Variants in MPZL3 observed in about 807,000 individuals in gnomAD.
MPZL3 encodes the protein myelin protein zero-like protein 3.
Under a neutral mutation model 24.8 loss-of-function variants are expected in MPZL3, and 23 were observed. The observed-to-expected ratio is 0.93, with a 90% CI of 0.67 to 1.31. The LOEUF (loss-of-function observed/expected upper bound fraction) is 1.31, where lower values mean the gene tolerates loss of function less well. MPZL3 is among the 40% of genes most tolerant of loss of function. MPZL3 has a pLI of 0.00. For synonymous variants in MPZL3, 99 were observed against 106.5 expected, an observed-to-expected ratio of 0.93 and a Z score of 0.44; for missense variants, 277 against 294.9, an observed-to-expected ratio of 0.94 and a Z score of 0.44.
chr11:118,240,150 T>C, intron 2 of MPZL3, 61 bp downstream of exon 2: 2 of 1,452,534 alleles, frequency 1.4e-6, no homozygotes, highest in Non-Finnish European at 1.8e-6. Flanking sequence ...GCCTATGATT[T>C]GCAGTAAAAC....
chr11:118,234,783 TCAATGTAAGACTCCCCTCCCCTGA>T (rs1345794689), intron 4 of MPZL3, among the ~76,000 whole-genome samples: 1 of 151,960 alleles, frequency 6.6e-6, no homozygotes, highest in Non-Finnish European at 1.5e-5. Context: ...TTGGACCTTC[TCAATGTAAGACTCCCCTCCCCTGA>T]CATAGATAAT....
chr11:118,251,876 A>G (rs2134722828), intron 1 of MPZL3, among the ~76,000 whole-genome samples: 1 of 152,338 alleles, frequency 6.6e-6, no homozygotes, highest in South Asian at 2.1e-4. Context: ...CAGGGTATAC[A>G]GCGCCCAAAC....
At chr11:118,249,184 G>A (rs1482636040) in intron 1 of MPZL3, among the ~76,000 whole-genome samples, 2 of 152,106 alleles carry the variant, frequency 1.3e-5, no homozygotes, top group Non-Finnish European at 2.9e-5. Context: ...CCTTTTTGGG[G>A]AGAAAGGATA....
chr11:118,239,046 T>C (rs1238746310), intron 2 of MPZL3, among the ~76,000 whole-genome samples: 1 of 152,216 alleles, frequency 6.6e-6, no homozygotes, highest in Admixed American at 6.5e-5. Context: ...TGCAACATCA[T>C]GTTATGTAAC....
Position 118,235,575 on chromosome 11 carries a change from G to T in MPZL3, c.466C>A (p.Leu156Ile). The stretch of plus-strand genomic sequence containing the variant: ...ATGGAAAGAAGGGCCACAGAGGAAA[G>T]CATGGTGCCAAAACCTAGAGGCGGA... The part of the protein sequence containing the change: ...TVTERGFGTM[L>I]SSVALLSILV... Residue 156 changes from leucine to isoleucine, a missense_variant, in exon 4 of 6, where the codon CTT becomes ATT. Physicochemically the swap from Leu to Ile is conservative, Grantham distance 5. Coordinates refer to ENST00000278949, the MANE Select transcript of MPZL3 (RefSeq NM_198275.3). 6.2e-7 allele frequency: 1 copy of T among 1,613,868 alleles called. No individual in the cohort carries two copies. Among genetic ancestry groups the T allele is most frequent in the Non-Finnish European group, 8.5e-7 (1 of 1,179,840 alleles).
chr11:118,230,128 C>G (rs142207842), intron 5 of MPZL3, among the ~76,000 whole-genome samples: 1 of 152,304 alleles, frequency 6.6e-6, no homozygotes, highest in Non-Finnish European at 1.5e-5. Flanking sequence ...CTTTGAAGCC[C>G]TAGTGGTTTC....
intron 1 of MPZL3, among the ~76,000 whole-genome samples, chr11:118,248,988 T>C (rs1302689633): frequency 6.6e-6 from 1 of 152,216 alleles, no homozygotes; most frequent in Admixed American, 6.5e-5. Flanking sequence ...ATAGAAAACA[T>C]CTAAAAGTTT....
intron 1 of MPZL3, among the ~76,000 whole-genome samples, chr11:118,241,622 TAGAC>T (rs1458950167): frequency 6.6e-6 from 1 of 152,200 alleles, no homozygotes; most frequent in East Asian, 1.9e-4. Flanking sequence ...CAGTGCGTGT[TAGAC>T]AGTGTCATTG....
At chr11:118,240,000 C>T (rs1056831467) in intron 2 of MPZL3, among the ~76,000 whole-genome samples, 1 of 152,168 alleles carries the variant, frequency 6.6e-6, no homozygotes, top group African/African-American at 2.4e-5. Flanking sequence ...TTTCTGACAG[C>T]TTTTTTCCTG....
intron 5 of MPZL3, among the ~76,000 whole-genome samples, chr11:118,230,255 C>T (rs1949333655): frequency 6.6e-6 from 1 of 152,222 alleles, no homozygotes; most frequent in Non-Finnish European, 1.5e-5. Context: ...CCTCTCCTCA[C>T]TCTCTTGCAG....
chr11:118,249,022 A>T (rs73596376), intron 1 of MPZL3, among the ~76,000 whole-genome samples: 8,984 of 142,998 alleles, frequency 0.063, 670 homozygotes, highest in African/African-American at 0.19. Flanking sequence ...ATCTTTACAG[A>T]CTAATATTTT....
Position 118,240,271 on chromosome 11 carries a change from G to A in MPZL3, c.180C>T (p.Val60=). Reference sequence around the variant, plus strand: ...TCCAGTCTATAGTAAGTTTGTCAGTGACATCTGAAGTTGACTTGAAAGTGC... The same window carrying A: ...TCCAGTCTATAGTAAGTTTGTCAGTAACATCTGAAGTTGACTTGAAAGTGC... ...LKCTFKSTSD[V]TDKLTIDWTY... is the part of the protein sequence containing the mutation. The change falls in exon 2 of 6, where the codon GTC becomes GTT. Residue 60 remains valine (V), a synonymous_variant. Coordinates refer to ENST00000278949, the MANE Select transcript of MPZL3 (RefSeq NM_198275.3). 2 of 1,604,840 alleles carry A rather than the reference G, an allele frequency of 1.2e-6. No homozygotes were observed. The highest frequency in any genetic ancestry group is 1.7e-6 in the Non-Finnish European group (2 of 1,176,812).
intron 1 of MPZL3, among the ~76,000 whole-genome samples, chr11:118,241,338 C>T (rs1375025315): frequency 6.6e-6 from 1 of 152,208 alleles, no homozygotes; most frequent in Non-Finnish European, 1.5e-5. Context: ...CAAACCCACA[C>T]GCTGTCCTGA....
At position 118,237,216 on chromosome 11, in the gene MPZL3, T is replaced by C; in HGVS notation, c.285A>G (p.Thr95=). ...QSFQYPTTAG[T]FRDRISWVGN... ...CAACCCAGGAAATCCGATCCCGAAA[T>C]GTGCCTGCTGTGGTTGGGTACTGGA... The change falls in exon 3 of 6, where the codon ACA becomes ACG. Residue 95 remains threonine (T), a synonymous_variant. Coordinates refer to ENST00000278949, the MANE Select transcript of MPZL3 (RefSeq NM_198275.3). The C allele has an allele frequency of 6.2e-7, 1 of 1,614,094 alleles. No individual in the cohort carries two copies. The highest frequency in any genetic ancestry group is 8.5e-7 in the Non-Finnish European group (1 of 1,179,974).
chr11:118,250,635 C>T (rs1390160517), intron 1 of MPZL3, among the ~76,000 whole-genome samples: 1 of 152,130 alleles, frequency 6.6e-6, no homozygotes, highest in Non-Finnish European at 1.5e-5. Context: ...GGCTAGAGTG[C>T]AATGGCGAGA....
chr11:118,245,331 G>A (rs182642545), intron 1 of MPZL3, among the ~76,000 whole-genome samples: 197 of 152,284 alleles, frequency 1.3e-3, no homozygotes, highest in African/African-American at 4.6e-3. Flanking sequence ...AATAGAGCAA[G>A]ACTTCATCTC....
chr11:118,251,351 A>G (rs1949618141), intron 1 of MPZL3, among the ~76,000 whole-genome samples: 2 of 152,122 alleles, frequency 1.3e-5, no homozygotes, highest in South Asian at 2.1e-4. Context: ...TTATATTTAT[A>G]TAATATTAAA....
chr11:118,230,404 T>C (rs1949335668), intron 5 of MPZL3, among the ~76,000 whole-genome samples: 1 of 152,164 alleles, frequency 6.6e-6, no homozygotes. Flanking sequence ...ATGGGGATAA[T>C]AAAAATACAC....
At chr11:118,234,328 G>A (rs1367269696) in intron 4 of MPZL3, among the ~76,000 whole-genome samples, 1 of 152,212 alleles carries the variant, frequency 6.6e-6, no homozygotes, top group African/African-American at 2.4e-5. Flanking sequence ...CAGCAGCAAA[G>A]AGTGAGGAGT....
Sources: allele counts gnomAD v4.1 joint callset (sites outside exome capture counted in the v4.1 genomes callset), GRCh38; gene constraint gnomAD v4.1.1; transcripts MANE v1.5; gene names NCBI Gene and HGNC (gene_info 2026-07-23, HGNC 2026-07-21).